The following LSAMP variants were observed in gnomAD, a reference collection of about 807,000 sequenced individuals.
LSAMP encodes the protein limbic system-associated membrane protein.
A neutral mutation model predicts 38.6 loss-of-function variants in LSAMP; 7 were observed. The ratio of observed to expected loss-of-function variants is 0.18; its 90% CI spans 0.10 to 0.34. LSAMP has a LOEUF of 0.34. Ranked by LOEUF, LSAMP falls within the 10% of genes least tolerant of loss-of-function variation. The pLI is 1.00. For synonymous variants in LSAMP, 154 were observed against 166.8 expected (o/e 0.92, Z 0.59); for missense variants, 313 against 420.0 (o/e 0.75, Z 2.23).
chr3:116,408,972 T>C (rs953329262), intron 1 of LSAMP, among the ~76,000 whole-genome samples: 1 of 152,050 alleles, frequency 6.6e-6, no homozygotes, highest in African/African-American at 2.4e-5. Flanking sequence ...TGTTGCGTCA[T>C]TGTGCAGAAA....
chr3:116,154,673 T>C (rs887257467), intron 1 of LSAMP, among the ~76,000 whole-genome samples: 1 of 152,252 alleles, frequency 6.6e-6, no homozygotes, highest in Non-Finnish European at 1.5e-5. Context: ...TGCTCCCTTC[T>C]TCTCCAAGGC....
chr3:115,898,436 T>G (rs1331260372), intron 3 of LSAMP, among the ~76,000 whole-genome samples: 1 of 152,120 alleles, frequency 6.6e-6, no homozygotes, highest in East Asian at 1.9e-4. Flanking sequence ...CAGATTTTTC[T>G]TTTTGTTTTG....
chr3:116,136,124 A>G (rs1050795075), intron 1 of LSAMP, among the ~76,000 whole-genome samples: 3 of 152,184 alleles, frequency 2.0e-5, no homozygotes, highest in African/African-American at 7.2e-5. Flanking sequence ...GGAACAAACT[A>G]TTTTAAAACC....
At chr3:116,113,319 C>A (rs1708659275) in intron 1 of LSAMP, among the ~76,000 whole-genome samples, 1 of 149,418 alleles carries the variant, frequency 6.7e-6, no homozygotes, top group Non-Finnish European at 1.5e-5. Context: ...TACCATTCAT[C>A]CTCTGTAAAA....
At chr3:115,982,473 AG>A (rs1022254092) in intron 3 of LSAMP, among the ~76,000 whole-genome samples, 14 of 152,190 alleles carry the variant, frequency 9.2e-5, no homozygotes, top group Admixed American at 7.9e-4. Context: ...TTAAATAAAA[AG>A]GGGAAATCCT....
chr3:116,066,104 G>A (rs917077634), intron 2 of LSAMP, among the ~76,000 whole-genome samples: 30 of 152,212 alleles, frequency 2.0e-4, no homozygotes, highest in African/African-American at 7.2e-4. Context: ...AAAGATCAAG[G>A]TGCCAACAGG....
chr3:116,286,386 GAAAT>G (rs1306017128), intron 1 of LSAMP, among the ~76,000 whole-genome samples: 2 of 152,126 alleles, frequency 1.3e-5, no homozygotes, highest in Non-Finnish European at 2.9e-5. Flanking sequence ...TCCTTCAGCA[GAAAT>G]AAATAAATTA....
chr3:116,029,536 A>G (rs1940871477), intron 2 of LSAMP, among the ~76,000 whole-genome samples: 2 of 152,164 alleles, frequency 1.3e-5, no homozygotes. Context: ...GAGAGATAAT[A>G]TGCTAACTAT....
intron 1 of LSAMP, among the ~76,000 whole-genome samples, chr3:116,193,570 CAAAA>C (rs1019680320): frequency 6.6e-6 from 1 of 151,806 alleles, no homozygotes; most frequent in African/African-American, 2.4e-5. Context: ...TACAAACAAA[CAAAA>C]AAAACAACGC....
Position 116,445,133 on chromosome 3 carries a change from G to T in LSAMP, c.-102C>A. On this transcript the variant is annotated 5_prime_UTR_variant, in exon 1 of 7. Transcript: ENST00000490035. ...CACGGGGCTTTCATCCACAGCGAGC[G>T]CAGAGCGGGCTTTGCCAGTTTATGG... 8.1e-7 allele frequency: 1 copy of T among 1,232,176 alleles called. No individual in the cohort carries two copies. The highest frequency in any genetic ancestry group is 1.1e-6 in the Non-Finnish European group (1 of 890,490). 76.3% of individuals were successfully genotyped at this position (1,232,176 alleles called of 1,614,324 possible).
chr3:116,190,669 T>C (rs1198911434), intron 1 of LSAMP, among the ~76,000 whole-genome samples: 3 of 152,200 alleles, frequency 2.0e-5, no homozygotes, highest in Non-Finnish European at 1.5e-5. Flanking sequence ...TTATTATATA[T>C]GTAATTTTGG....
chr3:115,926,136 A>C (rs866318356), intron 3 of LSAMP, among the ~76,000 whole-genome samples: 1 of 152,202 alleles, frequency 6.6e-6, no homozygotes, highest in Non-Finnish European at 1.5e-5. Context: ...GGAGATGGGC[A>C]CATGCTGCCT....
At chr3:115,821,624 G>A (rs1360663081) in intron 6 of LSAMP, among the ~76,000 whole-genome samples, 1 of 152,208 alleles carries the variant, frequency 6.6e-6, no homozygotes, top group African/African-American at 2.4e-5. Context: ...TTTTGAAAAT[G>A]ACATAAGAAT....
At chr3:115,943,641 G>C (rs1938002689) in intron 3 of LSAMP, among the ~76,000 whole-genome samples, 1 of 152,148 alleles carries the variant, frequency 6.6e-6, no homozygotes, top group Non-Finnish European at 1.5e-5. Flanking sequence ...TTAAGCTATT[G>C]TCACTTAAAT....
intron 2 of LSAMP, among the ~76,000 whole-genome samples, chr3:116,022,171 G>A (rs1482831010): frequency 6.6e-6 from 1 of 151,386 alleles, no homozygotes; most frequent in Admixed American, 6.6e-5. Flanking sequence ...CCTCCCATAA[G>A]CATGTACATA....
At chr3:116,003,374 G>A (rs895949870) in intron 3 of LSAMP, among the ~76,000 whole-genome samples, 1 of 152,108 alleles carries the variant, frequency 6.6e-6, no homozygotes, top group East Asian at 1.9e-4. Flanking sequence ...TGACAATAAA[G>A]GCAAGATCTA....
At chr3:116,281,528 G>A (rs1192613529) in intron 1 of LSAMP, among the ~76,000 whole-genome samples, 2 of 152,142 alleles carry the variant, frequency 1.3e-5, no homozygotes, top group Non-Finnish European at 2.9e-5. Context: ...ACCACCAACT[G>A]TGAAAATAAA....
intron 3 of LSAMP, among the ~76,000 whole-genome samples, chr3:115,971,016 C>A (rs1939000944): frequency 6.6e-6 from 1 of 152,106 alleles, no homozygotes; most frequent in Non-Finnish European, 1.5e-5. Flanking sequence ...GTAATGGGAA[C>A]AATTCATTCA....
intron 1 of LSAMP, among the ~76,000 whole-genome samples, chr3:116,246,336 A>C (rs2046605016): frequency 6.6e-6 from 1 of 152,144 alleles, no homozygotes; most frequent in African/African-American, 2.4e-5. Flanking sequence ...TAGGAGCATA[A>C]ATATATATTA....
Sources: gnomAD v4.1 joint callset for allele counts (sites outside exome capture counted in the v4.1 genomes callset) on GRCh38, gnomAD v4.1.1 for gene constraint, MANE v1.5 for transcripts, NCBI Gene and HGNC (gene_info 2026-07-23, HGNC 2026-07-21) for gene names.